ZBTB38: variants seen among roughly 807,000 people sequenced by gnomAD.
ZBTB38 encodes the protein zinc finger and BTB domain containing 38, also known as zinc finger and BTB domain-containing protein 38.
In ZBTB38, 20 loss-of-function variants were observed where a neutral mutation model predicts 76.8. That is an observed-to-expected ratio of 0.26 (90% CI 0.18 to 0.38). ZBTB38 has a LOEUF of 0.38. Among genes scored for constraint, ZBTB38 ranks in the 10% least tolerant of loss-of-function variants. ZBTB38 has a pLI of 1.00. For synonymous variants in ZBTB38, 504 were observed against 544.2 expected (o/e 0.93, Z 1.03); for missense variants, 1,082 against 1,482.3 (o/e 0.73, Z 4.43).
At chr3:141,363,960 AG>A (rs1398364657), upstream of ZBTB38, among the ~76,000 whole-genome samples, 1 of 152,218 alleles carries the variant, frequency 6.6e-6, no homozygotes, top group Admixed American at 6.5e-5. Context: ...AAGTGATGAA[AG>A]AGAAGATTGA....
intron 5 of ZBTB38, among the ~76,000 whole-genome samples, chr3:141,437,341 T>C (rs2079035628): frequency 6.6e-6 from 1 of 152,200 alleles, no homozygotes; most frequent in African/African-American, 2.4e-5. Context: ...ACCACGTCCT[T>C]CTGCCTCCCT....
intron 5 of ZBTB38, among the ~76,000 whole-genome samples, chr3:141,439,575 T>C (rs547757467): frequency 6.6e-6 from 1 of 152,350 alleles, no homozygotes; most frequent in East Asian, 1.9e-4. Context: ...TTGTATATTA[T>C]AAATCTGAGT....
At chr3:141,397,524 T>C (rs1950613003) in intron 4 of ZBTB38, among the ~76,000 whole-genome samples, 1 of 152,230 alleles carries the variant, frequency 6.6e-6, no homozygotes, top group South Asian at 2.1e-4. Context: ...ACAAGAGGGC[T>C]AGCTTTTGGC....
At chr3:141,423,423 A>C (rs2075801028) in intron 5 of ZBTB38, among the ~76,000 whole-genome samples, 1 of 152,240 alleles carries the variant, frequency 6.6e-6, no homozygotes, top group Non-Finnish European at 1.5e-5. Context: ...TATAAGAATG[A>C]GGTCACACTG....
At chr3:141,416,545 C>G (rs2150029628) in intron 5 of ZBTB38, among the ~76,000 whole-genome samples, 1 of 152,312 alleles carries the variant, frequency 6.6e-6, no homozygotes, top group East Asian at 1.9e-4. Flanking sequence ...TCCCAGCTCC[C>G]TCTCACATTC....
intron 5 of ZBTB38, among the ~76,000 whole-genome samples, chr3:141,440,056 G>C (rs935370721): frequency 7.9e-5 from 12 of 152,136 alleles, no homozygotes; most frequent in Non-Finnish European, 1.5e-4. Flanking sequence ...TTTCATTCTA[G>C]TTTTATTTGT....
chr3:141,369,883 G>T lies in ZBTB38; in HGVS notation c.-298G>T, dbSNP rs1944288525. On this transcript the variant is annotated 5_prime_UTR_variant, in exon 2 of 6. Transcript: ENST00000321464. ...CTTTAATATATTAGGTTGTCTTGAA[G>T]TGAGGCTCTGCTGTAGTCCTGTTCT... The T allele has an allele frequency of 6.6e-6, 1 of 152,226 alleles. No homozygotes were observed. 9.4% of individuals were successfully genotyped at this position (152,226 alleles called of 1,614,324 possible). A position where few individuals can be genotyped will look rare whatever the true frequency, so the allele number is the denominator to read the frequency against.
At chr3:141,399,282 A>G (rs2149493951) in intron 4 of ZBTB38, among the ~76,000 whole-genome samples, 2 of 152,254 alleles carry the variant, frequency 1.3e-5, no homozygotes, top group South Asian at 4.1e-4. Context: ...TCCCAACCCC[A>G]TTTAGGTGGG....
chr3:141,334,529 C>G (rs775590787), intron 1 of ZBTB38, among the ~76,000 whole-genome samples: 3 of 150,604 alleles, frequency 2.0e-5, no homozygotes, highest in Non-Finnish European at 2.9e-5. Flanking sequence ...TCCTTTCTCT[C>G]TGGGAAGGAT....
Position 141,377,244 on chromosome 3 carries a change from G to A in ZBTB38, c.-234-4181G>A, listed in dbSNP as rs1203240232. 5.3e-5 allele frequency among the ~76,000 whole-genome samples: 8 copies of A among 152,210 alleles called. No individual in the cohort carries two copies. In the East Asian group the frequency reaches 1.5e-3, roughly 29 times the overall value. On this transcript the variant is annotated intron_variant, in intron 2 of 5. Coordinates refer to ENST00000321464, the MANE Select transcript of ZBTB38 (RefSeq NM_001376113.1). ...AAGACTCAGCCCCCCCATCCAGAAA[G>A]ACCATCCCATTTTCCATCGCCTAAG...
intron 1 of ZBTB38, among the ~76,000 whole-genome samples, chr3:141,354,300 G>A (rs1222624465): frequency 6.6e-6 from 1 of 152,080 alleles, no homozygotes. Flanking sequence ...TGAAAACCCA[G>A]CTGCCCAGTG....
chr3:141,448,404 A>G lies in ZBTB38; in HGVS notation c.*2428A>G, dbSNP rs1349553877. On this transcript the variant is annotated 3_prime_UTR_variant, in exon 6 of 6. Coordinates refer to ENST00000321464, the MANE Select transcript of ZBTB38 (RefSeq NM_001376113.1). ...TTTGTAATTCTGTATATTCTATACA[A>G]TTTATAGCAGAGCCGTTTTAAGACA... 2 of 152,646 alleles carry G rather than the reference A, an allele frequency of 1.3e-5. No individual in the cohort carries two copies. Among genetic ancestry groups the G allele is most frequent in the African/African-American group, 4.8e-5 (2 of 41,456 alleles). The allele number at this position is 152,646 out of a possible 1,614,324, so 9.5% of individuals were successfully genotyped here. A position where few individuals can be genotyped will look rare whatever the true frequency, so the allele number is the denominator to read the frequency against.
intron 5 of ZBTB38, among the ~76,000 whole-genome samples, chr3:141,415,081 A>C (rs967659152): frequency 3.3e-5 from 5 of 150,104 alleles, no homozygotes; most frequent in Non-Finnish European, 5.9e-5. Context: ...CATCTTCTCC[A>C]TTCTAGCTAT....
At chr3:141,344,001 G>T (rs1943269311) in intron 1 of ZBTB38, among the ~76,000 whole-genome samples, 1 of 152,172 alleles carries the variant, frequency 6.6e-6, no homozygotes, top group African/African-American at 2.4e-5. Flanking sequence ...TAATCAATAT[G>T]TCCAAAGCAC....
intron 1 of ZBTB38, among the ~76,000 whole-genome samples, chr3:141,329,416 C>T (rs901242058): frequency 1.3e-5 from 2 of 152,192 alleles, no homozygotes; most frequent in Non-Finnish European, 1.5e-5. Context: ...GAGCGGCACA[C>T]GTTTAATGAC....
At chr3:141,356,426 G>T (rs1003307509) in intron 1 of ZBTB38, among the ~76,000 whole-genome samples, 1 of 152,118 alleles carries the variant, frequency 6.6e-6, no homozygotes. Flanking sequence ...GGCTGCTGCG[G>T]CTCTGTTTAG....
rs1297582879 is a variant in ZBTB38, at chr3:141,444,991, A to G, written c.2603A>G (p.Tyr868Cys). 1 of 1,614,218 alleles carries G rather than the reference A, an allele frequency of 6.2e-7. No homozygotes were observed. Among genetic ancestry groups the G allele is most frequent in the African/African-American group, 1.3e-5 (1 of 75,054 alleles). Residue 868 changes from tyrosine (Y) to cysteine (C), a missense_variant, in exon 6 of 6, where the codon TAT becomes TGT. Transcript: ENST00000321464. This position sits in a 1 kb window ranked among gnomAD's most constrained non-coding sequence, Gnocchi z 5.1. Reference sequence around the variant, plus strand: ...TATAAAAGAGGGAGAAGACCCAAGTATCAGATGCAGGAGGAGCCTTTGCCA... The same window carrying G: ...TATAAAAGAGGGAGAAGACCCAAGTGTCAGATGCAGGAGGAGCCTTTGCCA... ...LFYKRGRRPK[Y>C]QMQEEPLPQG... is the part of the protein sequence containing the mutation.
At position 141,446,008 on chromosome 3, in the gene ZBTB38, T is replaced by C. The variant is rs781052315; in HGVS notation, c.*32T>C. The stretch of plus-strand genomic sequence containing the variant: ...AGAATTAGAAAAATCTTCAAAAATA[T>C]AGTTGGTGGTTTTTTTAGTTATGAT... On this transcript the variant is annotated 3_prime_UTR_variant, in exon 6 of 6. Coordinates refer to ENST00000321464, the MANE Select transcript of ZBTB38 (RefSeq NM_001376113.1). The C allele has an allele frequency of 6.6e-7, 1 of 1,512,352 alleles. No homozygotes were observed. Among genetic ancestry groups the C allele is most frequent in the South Asian group, 1.3e-5 (1 of 78,188 alleles). The allele number at this position is 1,512,352 out of a possible 1,614,324, so 93.7% of individuals were successfully genotyped here. A position where few individuals can be genotyped will look rare whatever the true frequency, so the allele number is the denominator to read the frequency against.
intron 5 of ZBTB38, among the ~76,000 whole-genome samples, chr3:141,419,410 C>T (rs1426763536): frequency 6.6e-6 from 1 of 152,138 alleles, no homozygotes; most frequent in Non-Finnish European, 1.5e-5. Flanking sequence ...ATAAAATAAG[C>T]ACAACTGTTA....
Sources: gnomAD v4.1 joint callset for allele counts (sites outside exome capture counted in the v4.1 genomes callset) on GRCh38, gnomAD v4.1.1 for gene constraint, Gnocchi (gnomAD v3.1) non-coding constraint, MANE v1.5 for transcripts, NCBI Gene and HGNC (gene_info 2026-07-23, HGNC 2026-07-21) for gene names.